Variants in ERC2 observed in about 807,000 individuals in gnomAD.
The protein encoded by ERC2 is ERC protein 2.
In ERC2, 42 loss-of-function variants were observed where a neutral mutation model predicts 114.8. That is an observed-to-expected ratio of 0.37 (90% confidence interval 0.29 to 0.47). The LOEUF is 0.47. ERC2 is among the 20% of genes least tolerant of loss of function. ERC2 has a pLI of 0.99. For synonymous variants in ERC2, 454 were observed against 425.5 expected (o/e 1.07, Z -0.82); for missense variants, 939 against 1,150.7 (o/e 0.82, Z 2.66).
At chr3:55,668,945 GGTAA>G (rs973651801) in intron 17 of ERC2, among the ~76,000 whole-genome samples, 1 of 152,174 alleles carries the variant, frequency 6.6e-6, no homozygotes, top group African/African-American at 2.4e-5. Flanking sequence ...CTGCTAAACA[GGTAA>G]GTATTAGTTA....
chr3:56,021,416 T>G (rs2073705286), intron 7 of ERC2, among the ~76,000 whole-genome samples: 1 of 152,128 alleles, frequency 6.6e-6, no homozygotes, highest in South Asian at 2.1e-4. Flanking sequence ...TTATGGGCCA[T>G]TTTTGGTTTA....
At chr3:55,883,784 A>T (rs2063227166) in intron 14 of ERC2, among the ~76,000 whole-genome samples, 1 of 151,930 alleles carries the variant, frequency 6.6e-6, no homozygotes, top group South Asian at 2.1e-4. Context: ...GCAGCTCGGG[A>T]GGTGGAGGCA....
intron 3 of ERC2, among the ~76,000 whole-genome samples, chr3:56,224,770 C>T (rs1174309756): frequency 6.6e-6 from 1 of 152,124 alleles, no homozygotes; most frequent in Non-Finnish European, 1.5e-5. Context: ...CTTCTACATT[C>T]CACTTCCTGG....
intron 7 of ERC2, among the ~76,000 whole-genome samples, chr3:56,038,440 C>G (rs551791897): frequency 1.1e-4 from 17 of 152,224 alleles, no homozygotes; most frequent in African/African-American, 3.9e-4. Flanking sequence ...ACAACAGATG[C>G]TGGTGAGGCT....
At chr3:55,688,470 A>C (rs2062452850) in intron 16 of ERC2, among the ~76,000 whole-genome samples, 1 of 152,142 alleles carries the variant, frequency 6.6e-6, no homozygotes, top group African/African-American at 2.4e-5. Flanking sequence ...TGACTCCACC[A>C]TATGAGCCGA....
At chr3:55,832,943 G>A (rs987561298) in intron 14 of ERC2, among the ~76,000 whole-genome samples, 23 of 152,112 alleles carry the variant, frequency 1.5e-4, no homozygotes, top group African/African-American at 5.6e-4. Context: ...GCCAAGGCTC[G>A]AGAACTACAT....
At chr3:55,922,748 A>T (rs779346680) in intron 13 of ERC2, among the ~76,000 whole-genome samples, 1 of 152,142 alleles carries the variant, frequency 6.6e-6, no homozygotes, top group African/African-American at 2.4e-5. Context: ...GTAAGAATTA[A>T]CTATAAAAGT....
chr3:56,292,993 T>C (rs2055191792), intron 3 of ERC2, among the ~76,000 whole-genome samples: 1 of 152,338 alleles, frequency 6.6e-6, no homozygotes, highest in Non-Finnish European at 1.5e-5. Context: ...CCCAATAGAA[T>C]GTAAGCACCA....
chr3:56,170,615 GAGGTAGTGTCTCACTATGTCAC>G (rs2082608286), intron 4 of ERC2, among the ~76,000 whole-genome samples: 1 of 26,352 alleles, frequency 3.8e-5, no homozygotes, highest in East Asian at 9.1e-4. Context: ...TTTTTTTTTT[GAGGTAGTGTCTCACTATGTCAC>G]CCAGGCTGGA....
In ERC2 at chr3:56,080,955, T is replaced by C; in HGVS notation, c.1503A>G (p.Glu501=). Residue 501 remains glutamate, a synonymous_variant, in exon 7 of 18, where the codon GAA becomes GAG. Transcript: ENST00000288221. ...EVDALRLRLE[E]KESFLNKKTK... is the part of the protein sequence containing the mutation. ...TTTTTTTATTGAGGAAAGATTCTTT[T>C]TCTTCCAGTCGTAATCTCAGCGCAT... is the stretch of plus-strand genomic sequence containing the variant. The C allele has an allele frequency of 6.2e-7, 1 of 1,613,392 alleles. No individual in the cohort carries two copies. The highest frequency in any genetic ancestry group is 8.5e-7 in the Non-Finnish European group (1 of 1,179,594).
intron 17 of ERC2, among the ~76,000 whole-genome samples, chr3:55,635,214 T>G (rs1472040322): frequency 7.9e-5 from 12 of 152,074 alleles, no homozygotes; most frequent in Non-Finnish European, 1.6e-4. Flanking sequence ...ATCCTTTTTT[T>G]GACCTCTTAT....
intron 1 of ERC2, among the ~76,000 whole-genome samples, chr3:56,439,728 A>C (rs1429426970): frequency 6.6e-6 from 1 of 152,036 alleles, no homozygotes; most frequent in East Asian, 1.9e-4. Flanking sequence ...ATCTTTAATA[A>C]AATTTCTACT....
chr3:55,621,190 C>CT (rs1356277693), intron 17 of ERC2, among the ~76,000 whole-genome samples: 1 of 151,742 alleles, frequency 6.6e-6, no homozygotes, highest in Non-Finnish European at 1.5e-5. Flanking sequence ...CTTTGATCAC[C>CT]TTTTTTTTCT....
intron 2 of ERC2, among the ~76,000 whole-genome samples, chr3:56,392,120 A>G (rs1211425530): frequency 2.0e-5 from 3 of 152,230 alleles, no homozygotes; most frequent in Admixed American, 6.5e-5. Context: ...GAGACAAGCT[A>G]TTTCAAAGAA....
At chr3:55,990,520 A>T (rs1412872121) in intron 11 of ERC2, among the ~76,000 whole-genome samples, 1 of 151,932 alleles carries the variant, frequency 6.6e-6, no homozygotes, top group Non-Finnish European at 1.5e-5. Context: ...GAACTCCTGG[A>T]CTCAAGTGAT....
At chr3:56,410,238 T>A (rs2107097718) in intron 2 of ERC2, among the ~76,000 whole-genome samples, 1 of 152,344 alleles carries the variant, frequency 6.6e-6, no homozygotes, top group African/African-American at 2.4e-5. Context: ...TTAATTTATG[T>A]CCCTGTGATA....
chr3:55,602,562 C>T (rs577041719), intron 17 of ERC2, among the ~76,000 whole-genome samples: 227 of 152,302 alleles, frequency 1.5e-3, no homozygotes, highest in African/African-American at 5.1e-3. Context: ...GCAGGAGAAG[C>T]GCTCTGCCGC....
At chr3:55,930,649 C>A (rs987157266) in intron 13 of ERC2, among the ~76,000 whole-genome samples, 1 of 152,114 alleles carries the variant, frequency 6.6e-6, no homozygotes, top group Non-Finnish European at 1.5e-5. Context: ...ACCATAAAAA[C>A]CCTAGAAGAA....
intron 1 of ERC2, among the ~76,000 whole-genome samples, chr3:56,443,868 G>C (rs186057757): frequency 1.3e-5 from 2 of 150,842 alleles, no homozygotes; most frequent in East Asian, 3.9e-4. Flanking sequence ...AAAGGTAGCA[G>C]TTAAGATCTT....
Sources: allele counts gnomAD v4.1 joint callset (sites outside exome capture counted in the v4.1 genomes callset), GRCh38; gene constraint gnomAD v4.1.1; transcripts MANE v1.5; gene names NCBI Gene and HGNC (gene_info 2026-07-23, HGNC 2026-07-21).